TLN2: variants seen among roughly 807,000 people sequenced by gnomAD.
The protein encoded by TLN2 is talin-2.
Under a neutral mutation model 294.7 loss-of-function variants are expected in TLN2, and 118 were observed. That is an observed-to-expected ratio of 0.40 (90% CI 0.34 to 0.47). The LOEUF (loss-of-function observed/expected upper bound fraction) is 0.47. TLN2 is among the 20% of genes least tolerant of loss of function. TLN2 has a pLI of 0.84. For missense variants in TLN2, 3,083 were observed against 3,282.2 expected, an observed-to-expected ratio of 0.94 and a Z score of 1.48; for synonymous variants, 1,431 against 1,304.5, an observed-to-expected ratio of 1.10 and a Z score of -2.09.
intron 40 of TLN2, among the ~76,000 whole-genome samples, chr15:62,764,662 A>C (rs775270393): frequency 2.6e-5 from 4 of 152,272 alleles, no homozygotes; most frequent in Admixed American, 1.3e-4. Context: ...AGATCAAGAA[A>C]CAAAGTTGAG....
chr15:62,675,650 T>C (rs899094288), intron 11 of TLN2, among the ~76,000 whole-genome samples: 2 of 152,056 alleles, frequency 1.3e-5, no homozygotes, highest in African/African-American at 4.8e-5. Context: ...CTGTCAAGAG[T>C]CCTGTGGACT....
intron 1 of TLN2, among the ~76,000 whole-genome samples, chr15:62,487,905 AAAAT>A (rs1004062908): frequency 1.3e-4 from 19 of 151,552 alleles, no homozygotes; most frequent in African/African-American, 4.4e-4. Flanking sequence ...TCCGTCTCAA[AAAAT>A]AAATAAATAA....
intron 3 of TLN2, among the ~76,000 whole-genome samples, chr15:62,634,023 G>A (rs1408790145): frequency 1.3e-5 from 2 of 152,120 alleles, no homozygotes; most frequent in South Asian, 2.1e-4. Context: ...CGGTCAATTC[G>A]GATTATGACC....
In TLN2 at chr15:62,815,177, T is replaced by TCACACA. The variant is rs3055852; in HGVS notation, c.6772-4289_6772-4284dup. ...AAACTGGAGATTTTTATTCTGTCTGTCACACACACACACACACACACACAC... is the reference window on the plus strand; with the variant it reads ...AAACTGGAGATTTTTATTCTGTCTGTCACACACACACACACACACACACACACACAC... On this transcript the variant is annotated intron_variant, in intron 52 of 58. Transcript: ENST00000636159. Among the ~76,000 whole-genome samples, 213 of 140,668 alleles carry TCACACA rather than the reference T, an allele frequency of 1.5e-3. 1 individual carries two copies. The highest frequency in any genetic ancestry group is 3.8e-3 in the Admixed American group (53 of 14,078). The allele number at this position is 140,668 out of a possible 152,430, so 92.3% of individuals were successfully genotyped here.
intron 11 of TLN2, among the ~76,000 whole-genome samples, chr15:62,686,156 CAG>C (rs1370041608): frequency 7.2e-5 from 11 of 152,064 alleles, no homozygotes; most frequent in African/African-American, 2.2e-4. Context: ...AGAATCCAAA[CAG>C]AAATATATTT....
At chr15:62,416,723 C>T (rs1306659532) in intron 1 of TLN2, among the ~76,000 whole-genome samples, 9 of 152,164 alleles carry the variant, frequency 5.9e-5, no homozygotes, top group Admixed American at 5.9e-4. Flanking sequence ...AGCCACCCTG[C>T]CCCTTTGCCC....
At chr15:62,495,424 C>T (rs1285288612) in intron 1 of TLN2, among the ~76,000 whole-genome samples, 2 of 152,170 alleles carry the variant, frequency 1.3e-5, no homozygotes, top group African/African-American at 4.8e-5. Context: ...CTTCTGAAAC[C>T]AATCTTAGGA....
intron 2 of TLN2, among the ~76,000 whole-genome samples, chr15:62,606,475 C>A (rs573617069): frequency 6.6e-6 from 1 of 152,042 alleles, no homozygotes; most frequent in Non-Finnish European, 1.5e-5. Context: ...AAAAGTTTAG[C>A]GATGATAGAA....
chr15:62,681,634 T>C (rs75079812), intron 11 of TLN2, among the ~76,000 whole-genome samples: 1,562 of 152,302 alleles, frequency 0.01, 32 homozygotes, highest in African/African-American at 0.035. Flanking sequence ...TAGAAACTTA[T>C]ATGACCTTAG....
chr15:62,711,743 T>C (rs28417611), intron 21 of TLN2, among the ~76,000 whole-genome samples, 168 bp from the exon 22 acceptor site: 1,568 of 152,266 alleles, frequency 0.01, 34 homozygotes, highest in African/African-American at 0.035. Flanking sequence ...GGGAATATTT[T>C]CATTTTGGGC....
At chr15:62,542,570 C>T (rs1296379675) in intron 1 of TLN2, among the ~76,000 whole-genome samples, 1 of 152,144 alleles carries the variant, frequency 6.6e-6, no homozygotes, top group Admixed American at 6.5e-5. Flanking sequence ...ATACTAGGAT[C>T]CTTTTGGTTG....
intron 15 of TLN2, 24 bp from the exon 16 acceptor site, chr15:62,698,730 G>A (rs766616204): frequency 1.3e-6 from 2 of 1,595,446 alleles, no homozygotes; most frequent in Non-Finnish European, 1.7e-6. Context: ...TGGGATGACA[G>A]CTTTGTTTCA....
chr15:62,686,863 A>C, intron 12 of TLN2, 67 bp downstream of exon 12: 1 of 1,579,140 alleles, frequency 6.3e-7, no homozygotes, highest in Non-Finnish European at 8.6e-7. Flanking sequence ...GGACAGGAGA[A>C]AGACCAGATT....
In TLN2 at chr15:62,727,077, ATTC is replaced by A; in HGVS notation, c.3256-7_3256-5del. 1 of 1,613,518 alleles carries A rather than the reference ATTC, an allele frequency of 6.2e-7. No homozygotes were observed. ...TTCTACGTTCTTTCCCTCCTTGAAT[ATTC>A]TTGTAGCTGGAAAAATGTGCTCAGG... is the stretch of plus-strand genomic sequence containing the variant. On this transcript the variant is annotated splice_polypyrimidine_tract_variant and splice_region_variant and intron_variant, in intron 27 of 58. Coordinates refer to ENST00000636159, the MANE Select transcript of TLN2 (RefSeq NM_015059.3).
intron 12 of TLN2, 140 bp downstream of exon 12, chr15:62,686,936 C>A: frequency 8.3e-7 from 1 of 1,207,608 alleles, no homozygotes; most frequent in East Asian, 2.5e-5. Flanking sequence ...TGGTGCAAGC[C>A]CATGGGCAGG....
intron 18 of TLN2, 141 bp from the exon 19 acceptor site, chr15:62,702,625 C>G (rs1465059224): frequency 1.3e-6 from 1 of 760,330 alleles, no homozygotes; most frequent in Non-Finnish European, 2.2e-6. Context: ...GGGATGTCTT[C>G]TATCTGGCAG....
chr15:62,404,333 C>T (rs544446913), intron 1 of TLN2, among the ~76,000 whole-genome samples: 1 of 152,172 alleles, frequency 6.6e-6, no homozygotes, highest in South Asian at 2.1e-4. Context: ...ACTTTTGTCT[C>T]TGGGTTGAAG....
chr15:62,577,706 T>TA (rs922615882), intron 1 of TLN2, among the ~76,000 whole-genome samples: 176 of 152,298 alleles, frequency 1.2e-3, no homozygotes, highest in African/African-American at 3.9e-3. Context: ...AATTTTTTTT[T>TA]AATATACTTT....
intron 1 of TLN2, among the ~76,000 whole-genome samples, chr15:62,414,424 C>T (rs1018387132): frequency 1.4e-4 from 19 of 138,258 alleles, no homozygotes; most frequent in Non-Finnish European, 2.8e-4. Flanking sequence ...CTGTGTTCAG[C>T]AGGCTCCTCA....
Sources: allele counts gnomAD v4.1 joint callset (sites outside exome capture counted in the v4.1 genomes callset), GRCh38; gene constraint gnomAD v4.1.1; transcripts MANE v1.5; gene names NCBI Gene and HGNC (gene_info 2026-07-23, HGNC 2026-07-21).